The following ADCY2 variants were observed in gnomAD, a reference collection of about 807,000 sequenced individuals.
ADCY2 encodes the protein adenylate cyclase type 2.
Under a neutral mutation model 125.2 loss-of-function variants are expected in ADCY2, and 31 were observed. The ratio of observed to expected loss-of-function variants is 0.25; its 90% confidence interval spans 0.19 to 0.33. The LOEUF is 0.33. Among genes scored for constraint, ADCY2 ranks in the 10% least tolerant of loss-of-function variants. The probability of loss-of-function intolerance (pLI) is 1.00; values close to 1 mark genes in which losing one functional copy is unlikely to be tolerated. For missense variants in ADCY2, 904 were observed against 1,418.2 expected, an observed-to-expected ratio of 0.64 and a Z score of 5.82; for synonymous variants, 512 against 548.4, an observed-to-expected ratio of 0.93 and a Z score of 0.93.
chr5:7,802,068 G>A lies in ADCY2; in HGVS notation c.2629-150G>A. 1.3e-6 allele frequency: 1 copy of A among 778,278 alleles called. No individual in the cohort carries two copies. Among genetic ancestry groups the A allele is most frequent in the South Asian group, 1.9e-5 (1 of 53,674 alleles). 48.2% of individuals were successfully genotyped at this position (778,278 alleles called of 1,614,324 possible). A position where few individuals can be genotyped will look rare whatever the true frequency, so the allele number is the denominator to read the frequency against. ...TCCCCTGAGAGCAGCGGCAGCATCT[G>A]GATTGGGCCGCGGCTGGGGTGGGGC... On this transcript the variant is annotated intron_variant, in intron 20 of 24. Transcript: ENST00000338316. This position sits in a 1 kb window ranked among gnomAD's most constrained non-coding sequence, Gnocchi z 4.6.
At chr5:7,607,256 A>T (rs938916223) in intron 3 of ADCY2, among the ~76,000 whole-genome samples, 3 of 152,192 alleles carry the variant, frequency 2.0e-5, no homozygotes, top group African/African-American at 7.2e-5. Context: ...GAGGAAGCTC[A>T]TGCTCATTAG....
intron 14 of ADCY2, among the ~76,000 whole-genome samples, chr5:7,731,644 C>T (rs750199143): frequency 1.3e-5 from 2 of 151,202 alleles, no homozygotes; most frequent in Non-Finnish European, 2.9e-5. Context: ...TGCTCTGTCA[C>T]CCAGGCTGCA....
intron 3 of ADCY2, among the ~76,000 whole-genome samples, chr5:7,534,134 C>A (rs1182940095): frequency 1.3e-5 from 2 of 152,318 alleles, no homozygotes; most frequent in South Asian, 4.1e-4. Flanking sequence ...TACCTCTGGG[C>A]AGGCCCCTCA....
intron 18 of ADCY2, among the ~76,000 whole-genome samples, chr5:7,778,329 C>T (rs1285461143): frequency 6.6e-6 from 1 of 152,158 alleles, no homozygotes; most frequent in Non-Finnish European, 1.5e-5. Context: ...ATTATGTTAA[C>T]TCACCTGGAG....
intron 2 of ADCY2, among the ~76,000 whole-genome samples, chr5:7,445,968 G>GCT (rs1411519598): frequency 6.6e-6 from 1 of 151,922 alleles, no homozygotes; most frequent in Admixed American, 6.6e-5. Flanking sequence ...GCTTCTAATT[G>GCT]CTTTCTCTTG....
At chr5:7,769,101 C>G (rs1438798099) in intron 17 of ADCY2, among the ~76,000 whole-genome samples, 1 of 152,182 alleles carries the variant, frequency 6.6e-6, no homozygotes, top group East Asian at 1.9e-4. Flanking sequence ...AGTGATATAA[C>G]TCTTCTAAGT....
At chr5:7,429,945 T>C (rs539474464) in intron 2 of ADCY2, among the ~76,000 whole-genome samples, 1 of 151,708 alleles carries the variant, frequency 6.6e-6, no homozygotes, top group East Asian at 1.9e-4. Flanking sequence ...GGAAGGTTAG[T>C]AAAATTGGTG....
At chr5:7,486,033 T>C (rs933045535) in intron 2 of ADCY2, among the ~76,000 whole-genome samples, 2 of 152,186 alleles carry the variant, frequency 1.3e-5, no homozygotes, top group Non-Finnish European at 2.9e-5. Context: ...AAGGGAAAGT[T>C]CTGAGTTTAA....
chr5:7,788,209 T>C (rs1011756108), intron 19 of ADCY2, among the ~76,000 whole-genome samples: 1 of 152,252 alleles, frequency 6.6e-6, no homozygotes, highest in African/African-American at 2.4e-5. Flanking sequence ...AGACAGAGTC[T>C]CGTTCTGTTT....
At chr5:7,598,596 C>T (rs1737089696) in intron 3 of ADCY2, among the ~76,000 whole-genome samples, 1 of 152,146 alleles carries the variant, frequency 6.6e-6, no homozygotes, top group Non-Finnish European at 1.5e-5. Flanking sequence ...AGGCCCTGAC[C>T]TGAAGGCAGT....
At chr5:7,444,794 A>C (rs974544888) in intron 2 of ADCY2, among the ~76,000 whole-genome samples, 9 of 152,144 alleles carry the variant, frequency 5.9e-5, no homozygotes, top group African/African-American at 2.2e-4. Flanking sequence ...AGGTGAGTGC[A>C]TTATCACACA....
chr5:7,765,938 C>T (rs545774541), intron 16 of ADCY2, among the ~76,000 whole-genome samples: 3 of 149,356 alleles, frequency 2.0e-5, no homozygotes, highest in Admixed American at 2.0e-4. Context: ...AGCGAGCGAG[C>T]GAGAGAGAGA....
At chr5:7,675,157 C>CAA (rs201950218) in intron 4 of ADCY2, among the ~76,000 whole-genome samples, 20 of 98,580 alleles carry the variant, frequency 2.0e-4, no homozygotes, top group African/African-American at 7.7e-4. Context: ...TACTCTGTCT[C>CAA]AAAAAAAAAA....
intron 2 of ADCY2, 104 bp downstream of exon 2, chr5:7,414,874 C>A: frequency 1.1e-6 from 1 of 931,934 alleles, no homozygotes; most frequent in Non-Finnish European, 1.5e-6. Context: ...AGTCCTATAA[C>A]TGAGAGCAGA....
chr5:7,555,073 G>T (rs748298665), intron 3 of ADCY2, among the ~76,000 whole-genome samples: 19 of 152,148 alleles, frequency 1.2e-4, no homozygotes, highest in Non-Finnish European at 2.6e-4. Context: ...GAGTGGGTGT[G>T]CACTGAATTC....
rs1745547694 is a variant in ADCY2, at chr5:7,828,239, G to T, written c.*1368G>T. The T allele has an allele frequency of 6.5e-6, 1 of 152,776 alleles. No individual in the cohort carries two copies. Among genetic ancestry groups the T allele is most frequent in the Non-Finnish European group, 1.5e-5 (1 of 68,038 alleles). 9.5% of individuals were successfully genotyped at this position (152,776 alleles called of 1,614,324 possible). A position where few individuals can be genotyped will look rare whatever the true frequency, so the allele number is the denominator to read the frequency against. On this transcript the variant is annotated 3_prime_UTR_variant, in exon 25 of 25. Coordinates refer to ENST00000338316, the MANE Select transcript of ADCY2 (RefSeq NM_020546.3). ...TGTTTTCTTTTTATAACTCATGGCA[G>T]GCATCTGTAAGAAGTAGAGAACCCA... is the stretch of plus-strand genomic sequence containing the variant.
chr5:7,721,908 C>T (rs956533281), intron 12 of ADCY2, among the ~76,000 whole-genome samples: 1 of 152,204 alleles, frequency 6.6e-6, no homozygotes, highest in African/African-American at 2.4e-5. Flanking sequence ...ATCAAAAATG[C>T]ATCTGTTCTT....
In ADCY2 at chr5:7,406,402, A is replaced by G. The variant is rs980587198; in HGVS notation, c.211-8171A>G. Among the ~76,000 whole-genome samples, 8 of 152,292 alleles carry G rather than the reference A, an allele frequency of 5.3e-5. No homozygotes were observed. The South Asian group carries it at 6.2e-4, about 12-fold the overall frequency. On this transcript the variant is annotated intron_variant, in intron 1 of 24. Coordinates refer to ENST00000338316, the MANE Select transcript of ADCY2 (RefSeq NM_020546.3). ...ATCTACCCAGCCACCTCATATACCT[A>G]GGATAACCACAGTAAACCCTTCTGC...
At chr5:7,653,890 C>A in intron 4 of ADCY2, 1 of 239,222 alleles carries the variant, frequency 4.2e-6, no homozygotes, top group South Asian at 4.8e-5. Context: ...AAATTCTTAC[C>A]ACTCCTGGGG....
Sources: gnomAD v4.1 joint callset for allele counts (sites outside exome capture counted in the v4.1 genomes callset) on GRCh38, gnomAD v4.1.1 for gene constraint, Gnocchi (gnomAD v3.1) non-coding constraint, MANE v1.5 for transcripts, NCBI Gene and HGNC (gene_info 2026-07-23, HGNC 2026-07-21) for gene names.